BCAS3: variants seen among roughly 807,000 people sequenced by gnomAD.
The protein encoded by BCAS3 is BCAS4/BCAS3 fusion.
Under a neutral mutation model 116.1 loss-of-function variants are expected in BCAS3, and 53 were observed. That is an observed-to-expected ratio of 0.46 (90% CI 0.37 to 0.57). BCAS3 has a LOEUF of 0.57. BCAS3 is among the 20% of genes least tolerant of loss of function. The pLI is 0.00. For synonymous variants in BCAS3, 391 were observed against 408.2 expected (o/e 0.96, Z 0.51); for missense variants, 917 against 1,165.4 (o/e 0.79, Z 3.10).
At chr17:60,975,059 T>C (rs1033583859) in intron 14 of BCAS3, among the ~76,000 whole-genome samples, 1 of 150,424 alleles carries the variant, frequency 6.6e-6, no homozygotes, top group Admixed American at 6.6e-5. Flanking sequence ...CGGACTGCAG[T>C]GGCGCAATCT....
chr17:61,078,529 G>A lies in BCAS3; in HGVS notation c.2327G>A (p.Arg776Lys), dbSNP rs1443325550. Reference protein sequence around the residue: ...DTDDLDLNSLRIQPVRSDPVS... With the variant: ...DTDDLDLNSLKIQPVRSDPVS... ...GATGATCTTGATCTCAACAGTCTCA[G>A]GTAGGAAATGAGAATTAGGGAGTGA... Residue 776 changes from arginine to lysine, a missense_variant and splice_region_variant, in exon 21 of 24, where the codon AGG becomes AAG. Transcript: ENST00000407086. 2 of 1,610,108 alleles carry A rather than the reference G, an allele frequency of 1.2e-6. No homozygotes were observed. The highest frequency in any genetic ancestry group is 2.2e-5 in the East Asian group (1 of 44,858).
chr17:61,039,779 C>T (rs930048740), intron 18 of BCAS3, among the ~76,000 whole-genome samples: 3 of 152,166 alleles, frequency 2.0e-5, no homozygotes, highest in Non-Finnish European at 1.5e-5. Flanking sequence ...TCTGTTTGAA[C>T]TTATTTCCCC....
intron 14 of BCAS3, among the ~76,000 whole-genome samples, chr17:60,975,039 G>C (rs561169312): frequency 1.4e-5 from 2 of 148,046 alleles, no homozygotes; most frequent in African/African-American, 5.1e-5. Flanking sequence ...CTGTCGCCCA[G>C]GCCGGACTGC....
intron 2 of BCAS3, among the ~76,000 whole-genome samples, chr17:60,680,985 C>T (rs968860941): frequency 1.3e-4 from 20 of 152,124 alleles, no homozygotes; most frequent in African/African-American, 4.6e-4. Context: ...GGGAGGATTG[C>T]TTGAAACCAG....
chr17:60,702,676 A>G (rs1340227945), intron 4 of BCAS3, among the ~76,000 whole-genome samples: 1 of 151,970 alleles, frequency 6.6e-6, no homozygotes, highest in African/African-American at 2.4e-5. Flanking sequence ...TGCAGCCTCC[A>G]CCTCTGGGGC....
At chr17:61,000,061 C>T (rs1330940458) in intron 15 of BCAS3, among the ~76,000 whole-genome samples, 2 of 152,126 alleles carry the variant, frequency 1.3e-5, no homozygotes, top group African/African-American at 4.8e-5. Flanking sequence ...GGTATAGAAT[C>T]ATATTGTTGG....
chr17:61,060,984 T>TTACC (rs1490831950), intron 19 of BCAS3, among the ~76,000 whole-genome samples: 3 of 152,186 alleles, frequency 2.0e-5, no homozygotes, highest in Non-Finnish European at 4.4e-5. Context: ...TTTTGGAAAG[T>TTACC]TAAAGAAAAC....
chr17:60,929,663 C>T (rs2059539782), intron 13 of BCAS3, among the ~76,000 whole-genome samples: 1 of 150,316 alleles, frequency 6.7e-6, no homozygotes, highest in Admixed American at 6.6e-5. Context: ...TGGTGTGCTG[C>T]ACCCATTAAC....
chr17:60,758,255 T>C (rs1244656484), intron 6 of BCAS3, among the ~76,000 whole-genome samples: 2 of 152,180 alleles, frequency 1.3e-5, no homozygotes, highest in African/African-American at 4.8e-5. Context: ...CTATACACAT[T>C]TGAGAATTGT....
At chr17:60,948,856 A>G (rs2060671251) in intron 14 of BCAS3, among the ~76,000 whole-genome samples, 1 of 152,034 alleles carries the variant, frequency 6.6e-6, no homozygotes, top group South Asian at 2.1e-4. Flanking sequence ...GATGAGGGAA[A>G]GTTTTTTCAT....
rs567502136 is a variant in BCAS3, at chr17:60,872,565, A to G, written c.585-2097A>G. On this transcript the variant is annotated intron_variant, in intron 8 of 23. Transcript: ENST00000407086. ...TCTGTATGTATATACACACACCCCC[A>G]TATATATCTGTATGTATATACACAC... Among the ~76,000 whole-genome samples the G allele has an allele frequency of 2.2e-4, 33 of 150,980 alleles. No individual in the cohort carries two copies. The South Asian group carries it at 6.1e-3, about 28-fold the overall frequency.
At chr17:60,797,415 A>G (rs1490263069) in intron 6 of BCAS3, among the ~76,000 whole-genome samples, 1 of 151,346 alleles carries the variant, frequency 6.6e-6, no homozygotes, top group Non-Finnish European at 1.5e-5. Flanking sequence ...AGATCTTGCC[A>G]TGTTGTCCAG....
At chr17:61,173,231 A>G (rs1264366772) in intron 22 of BCAS3, among the ~76,000 whole-genome samples, 1 of 152,128 alleles carries the variant, frequency 6.6e-6, no homozygotes, top group African/African-American at 2.4e-5. Context: ...CGGGAGGATC[A>G]GTTGAAGCCA....
chr17:60,807,880 G>T (rs1007531034), intron 6 of BCAS3, 124 bp from the exon 7 acceptor site: 12 of 580,396 alleles, frequency 2.1e-5, no homozygotes, highest in African/African-American at 5.8e-5. Flanking sequence ...TTATTCAATT[G>T]TATAAATTAT....
rs750092671 is a variant in BCAS3, at chr17:61,316,791, C to G, written c.2426-51536C>G. 2.6e-5 allele frequency among the ~76,000 whole-genome samples: 4 copies of G among 152,162 alleles called. No homozygotes were observed. Among genetic ancestry groups the G allele is most frequent in the Admixed American group, 6.5e-5 (1 of 15,284 alleles). On this transcript the variant is annotated intron_variant, in intron 22 of 23. Coordinates refer to ENST00000407086, the MANE Select transcript of BCAS3 (RefSeq NM_017679.5). The surrounding 1 kb of genome is among the most constrained non-coding windows in gnomAD (Gnocchi z 5.8). ...TCAACTGTATGTGCTGTGCTAGATT[C>G]CTCGGGGTCATGTACAATAATTCCT...
At chr17:60,759,630 CT>C (rs35135127) in intron 6 of BCAS3, among the ~76,000 whole-genome samples, 2,916 of 25,278 alleles carry the variant, frequency 0.12, 103 homozygotes, top group Middle Eastern at 0.36. Flanking sequence ...ATAGTGACTT[CT>C]TTTTTTTTTT....
chr17:61,203,339 G>A lies in BCAS3; in HGVS notation c.2425+118775G>A, dbSNP rs962017119. 7.2e-5 allele frequency among the ~76,000 whole-genome samples: 11 copies of A among 152,038 alleles called. No individual in the cohort carries two copies. Among genetic ancestry groups the A allele is most frequent in the African/African-American group, 2.7e-4 (11 of 41,380 alleles). On this transcript the variant is annotated intron_variant, in intron 22 of 23. Transcript: ENST00000407086. The surrounding 1 kb of genome is among the most constrained non-coding windows in gnomAD (Gnocchi z 5.7). ...CACCTGGCTAATTTTTGTATTATTA[G>A]TAGAAACAGGGTTTCGCCATGTTGG...
In BCAS3 at chr17:61,083,847, T is replaced by C. The variant is rs2143533585; in HGVS notation, c.2328-620T>C. 6.6e-6 allele frequency among the ~76,000 whole-genome samples: 1 copy of C among 152,300 alleles called. No homozygotes were observed. The highest frequency in any genetic ancestry group is 1.9e-4 in the East Asian group (1 of 5,190). On this transcript the variant is annotated intron_variant, in intron 21 of 23. Coordinates refer to ENST00000407086, the MANE Select transcript of BCAS3 (RefSeq NM_017679.5). The surrounding 1 kb of genome is among the most constrained non-coding windows in gnomAD (Gnocchi z 4.9). ...TTCTTAAGCAACTTTAAATTGTGTG[T>C]AGTAATTTGCACGTTTACTGAGGTT...
chr17:61,094,122 A>G (rs1391425386), intron 22 of BCAS3, among the ~76,000 whole-genome samples: 1 of 152,224 alleles, frequency 6.6e-6, no homozygotes, highest in Non-Finnish European at 1.5e-5. Flanking sequence ...GCACCTAACT[A>G]TTGCTAGTAG....
Sources: gnomAD v4.1 joint callset for allele counts (sites outside exome capture counted in the v4.1 genomes callset) on GRCh38, gnomAD v4.1.1 for gene constraint, Gnocchi (gnomAD v3.1) non-coding constraint, MANE v1.5 for transcripts, NCBI Gene and HGNC (gene_info 2026-07-23, HGNC 2026-07-21) for gene names.